METTL15: variants seen among roughly 807,000 people sequenced by gnomAD.
The protein encoded by METTL15 is 12S rRNA N(4)-cytidine methyltransferase METTL15.
METTL15 carries 34 observed loss-of-function variants against 38.3 expected under a neutral mutation model. The observed-to-expected ratio is 0.89, with a 90% confidence interval of 0.68 to 1.18. METTL15 has a LOEUF of 1.18. METTL15 is among the 50% of genes most tolerant of loss of function. The pLI is 0.00. For synonymous variants in METTL15, 162 were observed against 170.9 expected, an observed-to-expected ratio of 0.95 and a Z score of 0.41; for missense variants, 438 against 498.4, an observed-to-expected ratio of 0.88 and a Z score of 1.15.
At chr11:28,233,010 G>A (rs186050048) in intron 4 of METTL15, among the ~76,000 whole-genome samples, 29 of 152,124 alleles carry the variant, frequency 1.9e-4, no homozygotes, top group Admixed American at 3.3e-4. Flanking sequence ...CTACCTGTAT[G>A]CAAGGAATTG....
intron 6 of METTL15, among the ~76,000 whole-genome samples, chr11:28,298,582 GC>G (rs1158814340): frequency 6.6e-6 from 1 of 151,974 alleles, no homozygotes; most frequent in Non-Finnish European, 1.5e-5. Context: ...TAACACTTTG[GC>G]ATTAAGTAGA....
chr11:28,485,208 GACTA>G (rs1372505524), intron 6 of METTL15, among the ~76,000 whole-genome samples: 2 of 151,322 alleles, frequency 1.3e-5, no homozygotes, highest in Admixed American at 6.6e-5. Context: ...AGGAAAGTAA[GACTA>G]ACTGTGTCTA....
intron 6 of METTL15, among the ~76,000 whole-genome samples, chr11:28,524,806 T>A (rs1851795535): frequency 6.6e-6 from 1 of 152,152 alleles, no homozygotes; most frequent in Admixed American, 6.5e-5. Context: ...TTAAAGGTTA[T>A]GTGTCCAGAA....
intron 3 of METTL15, among the ~76,000 whole-genome samples, chr11:28,151,018 A>AAAG (rs1171094166): frequency 6.6e-6 from 1 of 151,214 alleles, no homozygotes; most frequent in Admixed American, 6.6e-5. Context: ...AAAAAAAAAA[A>AAAG]AAAAAAAGAA....
At chr11:28,181,564 A>G (rs980469963) in intron 3 of METTL15, among the ~76,000 whole-genome samples, 33 of 144,862 alleles carry the variant, frequency 2.3e-4, no homozygotes, top group African/African-American at 7.4e-4. Flanking sequence ...AGCTTCATCC[A>G]TGTCTCTGCA....
intron 4 of METTL15, among the ~76,000 whole-genome samples, chr11:28,216,976 G>A (rs1267781752): frequency 1.3e-5 from 2 of 151,902 alleles, no homozygotes; most frequent in African/African-American, 4.8e-5. Flanking sequence ...GGACATTTGG[G>A]TTGGTTCCAA....
chr11:28,287,379 A>G, intron 4 of METTL15: 1 of 342,358 alleles, frequency 2.9e-6, no homozygotes, highest in Non-Finnish European at 5.7e-6. Flanking sequence ...TAGATCTTTG[A>G]GTTGTACATC....
At position 28,483,274 on chromosome 11, in the gene METTL15, C is replaced by T. The variant is rs558325162; in HGVS notation, c.*425-43204C>T. Among the ~76,000 whole-genome samples, 7 of 152,176 alleles carry T rather than the reference C, an allele frequency of 4.6e-5. 1 individual carries two copies. In the South Asian group the frequency reaches 6.2e-4, roughly 14 times the overall value. ...CAGCGTATCTGGTGGGTGGCAATGG[C>T]GGGAAAAACTGTTGACTCATGGGCC... On this transcript the variant is annotated intron_variant and NMD_transcript_variant, in intron 6 of 7. Transcript: ENST00000532947.
At chr11:28,487,391 G>C (rs1455508430) in intron 6 of METTL15, among the ~76,000 whole-genome samples, 1 of 152,026 alleles carries the variant, frequency 6.6e-6, no homozygotes, top group African/African-American at 2.4e-5. Flanking sequence ...AGTAATTGTT[G>C]ACCTAGAAAG....
At chr11:28,398,754 T>A (rs1850600103) in intron 5 of METTL15, 1 of 152,098 alleles carries the variant, frequency 6.6e-6, no homozygotes, top group African/African-American at 2.4e-5. Context: ...CCCATGCCTG[T>A]GTCCTGAATG....
At chr11:28,184,162 G>A (rs540388967) in intron 3 of METTL15, among the ~76,000 whole-genome samples, 45 of 151,546 alleles carry the variant, frequency 3.0e-4, no homozygotes, top group South Asian at 1.0e-3. Context: ...TTCTTTACTC[G>A]TCTTGCCTAG....
At chr11:28,174,384 G>C (rs976223032) in intron 3 of METTL15, among the ~76,000 whole-genome samples, 1 of 151,810 alleles carries the variant, frequency 6.6e-6, no homozygotes, top group Non-Finnish European at 1.5e-5. Flanking sequence ...ATCTAATACC[G>C]CATTGTTTTA....
At chr11:28,473,215 T>G (rs997238984) in intron 6 of METTL15, among the ~76,000 whole-genome samples, 1 of 152,176 alleles carries the variant, frequency 6.6e-6, no homozygotes, top group African/African-American at 2.4e-5. Context: ...CCATTTAATA[T>G]TTTAATAGGC....
At position 28,159,386 on chromosome 11, in the gene METTL15, C is replaced by T. The variant is rs558813524; in HGVS notation, c.270+45782C>T. On this transcript the variant is annotated intron_variant, in intron 3 of 6. Transcript: ENST00000407364. ...CAATGGGAAATTATAGCAGCCCAATCCAGGCAGGACTACAAGTGATCCAGA... is the reference window on the plus strand; with the variant it reads ...CAATGGGAAATTATAGCAGCCCAATTCAGGCAGGACTACAAGTGATCCAGA... Among the ~76,000 whole-genome samples, 9 of 151,910 alleles carry T rather than the reference C, an allele frequency of 5.9e-5. No individual in the cohort carries two copies. In the South Asian group the frequency reaches 1.9e-3, roughly 32 times the overall value.
intron 4 of METTL15, among the ~76,000 whole-genome samples, chr11:28,221,568 G>C (rs1281147004): frequency 6.6e-6 from 1 of 152,112 alleles, no homozygotes; most frequent in Admixed American, 6.6e-5. Flanking sequence ...ACTTGTCAAA[G>C]TCATTCTCTG....
intron 3 of METTL15, among the ~76,000 whole-genome samples, chr11:28,198,501 GTCA>G (rs773537722): frequency 9.9e-5 from 15 of 152,114 alleles, no homozygotes; most frequent in African/African-American, 3.4e-4. Flanking sequence ...GGCAGAATGA[GTCA>G]TCATAGTAAC....
intron 6 of METTL15, among the ~76,000 whole-genome samples, chr11:28,521,369 AG>A (rs1439687355): frequency 1.3e-5 from 2 of 152,228 alleles, no homozygotes; most frequent in Non-Finnish European, 2.9e-5. Flanking sequence ...AATTGGGAAA[AG>A]AAAAGCCAAA....
At chr11:28,127,416 A>G (rs762784536) in intron 3 of METTL15, among the ~76,000 whole-genome samples, 13 of 149,688 alleles carry the variant, frequency 8.7e-5, no homozygotes, top group African/African-American at 1.2e-4. Flanking sequence ...TCTGAGATCA[A>G]GGTGCCCACA....
chr11:28,229,399 T>C (rs1853599672), intron 4 of METTL15, among the ~76,000 whole-genome samples: 1 of 151,964 alleles, frequency 6.6e-6, no homozygotes, highest in Admixed American at 6.6e-5. Flanking sequence ...CCTTTTGTTA[T>C]AGACTTTCTC....
Sources: allele counts gnomAD v4.1 joint callset (sites outside exome capture counted in the v4.1 genomes callset), GRCh38; gene constraint gnomAD v4.1.1; transcripts MANE v1.5; gene names NCBI Gene and HGNC (gene_info 2026-07-23, HGNC 2026-07-21).